Variants in PRKG1 observed in about 807,000 individuals in gnomAD.
PRKG1 encodes protein kinase cGMP-dependent 1.
A neutral mutation model predicts 88.1 loss-of-function variants in PRKG1; 35 were observed. The observed-to-expected ratio is 0.40, with a 90% CI of 0.30 to 0.53. The LOEUF is 0.53. Among genes scored for constraint, PRKG1 ranks in the 20% least tolerant of loss-of-function variants. PRKG1 has a pLI of 0.59. For synonymous variants in PRKG1, 303 were observed against 292.5 expected (o/e 1.04, Z -0.37); for missense variants, 540 against 839.8 (o/e 0.64, Z 4.41).
intron 9 of PRKG1, among the ~76,000 whole-genome samples, chr10:52,251,042 C>T (rs890104433): frequency 1.3e-5 from 2 of 152,058 alleles, no homozygotes; most frequent in African/African-American, 4.8e-5. Flanking sequence ...CTCAGCTTCT[C>T]GGATCTGTTT....
At chr10:51,886,048 T>C (rs1012393439) in intron 4 of PRKG1, among the ~76,000 whole-genome samples, 1 of 152,156 alleles carries the variant, frequency 6.6e-6, no homozygotes, top group Non-Finnish European at 1.5e-5. Context: ...TTTTTAGAAA[T>C]GGAGTCTTAC....
In PRKG1 at chr10:51,194,856, A is replaced by C. The variant is rs184416732; in HGVS notation, c.478+41526A>C. 1.1e-4 allele frequency among the ~76,000 whole-genome samples: 16 copies of C among 152,254 alleles called. No individual in the cohort carries two copies. In the East Asian group the frequency reaches 2.9e-3, roughly 28 times the overall value. The stretch of plus-strand genomic sequence containing the variant: ...AAAGGATGGGAGAGAGAAAGCGGGA[A>C]CCAAAAGTTCTTGTATAAAGACCCC... On this transcript the variant is annotated intron_variant, in intron 2 of 17. Transcript: ENST00000373980.
At chr10:51,479,004 G>A (rs10733836) in intron 3 of PRKG1, among the ~76,000 whole-genome samples, 64,116 of 151,684 alleles carry the variant, frequency 0.42, 15,392 homozygotes, top group East Asian at 0.9. Context: ...GTTTAAATAC[G>A]TCAAGATACC....
chr10:51,004,265 A>C (rs945723478), intron 1 of PRKG1, among the ~76,000 whole-genome samples: 1 of 152,146 alleles, frequency 6.6e-6, no homozygotes, highest in Non-Finnish European at 1.5e-5. Flanking sequence ...GGAGTTCGAG[A>C]CCAGCTTCAC....
At chr10:51,040,228 C>T (rs982147768) in intron 1 of PRKG1, among the ~76,000 whole-genome samples, 1 of 73,988 alleles carries the variant, frequency 1.4e-5, no homozygotes, top group African/African-American at 5.3e-5. Flanking sequence ...TCTTTCCATT[C>T]CATTTGTGTG....
At chr10:51,348,836 T>C (rs1166099576) in intron 2 of PRKG1, among the ~76,000 whole-genome samples, 1 of 152,200 alleles carries the variant, frequency 6.6e-6, no homozygotes, top group Non-Finnish European at 1.5e-5. Context: ...TGTCACAACA[T>C]TTGAGTTTCC....
intron 2 of PRKG1, among the ~76,000 whole-genome samples, chr10:51,221,420 AATG>A (rs1241692006): frequency 3.9e-5 from 6 of 152,110 alleles, no homozygotes; most frequent in Non-Finnish European, 8.8e-5. Context: ...AATTAATTAA[AATG>A]ATAAGTTTCT....
intron 8 of PRKG1, among the ~76,000 whole-genome samples, chr10:52,140,109 A>T (rs1564486771): frequency 6.6e-6 from 1 of 152,158 alleles, no homozygotes; most frequent in Non-Finnish European, 1.5e-5. Flanking sequence ...AACATGTAAA[A>T]ATCATTCTTA....
chr10:52,108,219 C>T (rs865801112), intron 7 of PRKG1, among the ~76,000 whole-genome samples: 1 of 152,222 alleles, frequency 6.6e-6, no homozygotes, highest in African/African-American at 2.4e-5. Context: ...ATCCTTCTCT[C>T]TTTAAATTCT....
intron 2 of PRKG1, among the ~76,000 whole-genome samples, chr10:51,347,629 C>A (rs2132557831): frequency 6.6e-6 from 1 of 152,040 alleles, no homozygotes; most frequent in South Asian, 2.1e-4. Flanking sequence ...ACTTGTTTAC[C>A]CATGTCTCTG....
intron 5 of PRKG1, among the ~76,000 whole-genome samples, chr10:52,018,699 T>A (rs1845104729): frequency 6.6e-6 from 1 of 152,168 alleles, no homozygotes; most frequent in African/African-American, 2.4e-5. Context: ...AGAATAATTG[T>A]ACCGAGCAGA....
intron 1 of PRKG1, among the ~76,000 whole-genome samples, chr10:51,133,864 T>C (rs1442489177): frequency 6.6e-6 from 1 of 152,164 alleles, no homozygotes; most frequent in East Asian, 1.9e-4. Context: ...AAAAGATAAA[T>C]GGGAGAGGTG....
At chr10:51,115,385 A>ATATATATATATATATATATATAT (rs1554837458) in intron 1 of PRKG1, among the ~76,000 whole-genome samples, 49 of 94,500 alleles carry the variant, frequency 5.2e-4, no homozygotes, top group East Asian at 1.0e-3. Flanking sequence ...ATATATATAT[A>ATATATATATATATATATATATAT]AAACAAATGT....
In PRKG1 at chr10:51,916,235, T is replaced by C. The variant is rs571757324; in HGVS notation, c.762+8665T>C. ...CACAAGATGCAGATCATAAAGACCT[T>C]GCTAATAAAACAGGTTTCAGTAAAG... On this transcript the variant is annotated intron_variant, in intron 5 of 17. Transcript: ENST00000373980. 2.0e-5 allele frequency among the ~76,000 whole-genome samples: 3 copies of C among 152,190 alleles called. No individual in the cohort carries two copies. In the South Asian group the frequency reaches 6.2e-4, roughly 32 times the overall value.
At chr10:51,905,520 C>T (rs2132942193) in intron 4 of PRKG1, among the ~76,000 whole-genome samples, 1 of 152,188 alleles carries the variant, frequency 6.6e-6, no homozygotes, top group East Asian at 1.9e-4. Flanking sequence ...AGATATTAAG[C>T]TATGATTAAT....
intron 3 of PRKG1, chr10:51,699,025 T>G: frequency 6.2e-7 from 1 of 1,614,252 alleles, no homozygotes; most frequent in Non-Finnish European, 8.5e-7. Context: ...TCACTACTTG[T>G]GCCTGCAACA....
At chr10:51,415,861 G>T (rs1337432689) in intron 2 of PRKG1, among the ~76,000 whole-genome samples, 1 of 151,914 alleles carries the variant, frequency 6.6e-6, no homozygotes, top group African/African-American at 2.4e-5. Flanking sequence ...TTTGGGTTAG[G>T]GGGAAATTAG....
chr10:52,083,703 A>G (rs960652396), intron 7 of PRKG1, among the ~76,000 whole-genome samples: 13 of 152,090 alleles, frequency 8.5e-5, no homozygotes, highest in African/African-American at 3.1e-4. Context: ...CTATTTTTTC[A>G]GTGGCTGCAC....
At chr10:51,842,491 C>A (rs1840303257) in intron 4 of PRKG1, among the ~76,000 whole-genome samples, 1 of 152,092 alleles carries the variant, frequency 6.6e-6, no homozygotes, top group African/African-American at 2.4e-5. Flanking sequence ...TCCTTCTGAT[C>A]CTTATGTGTG....
Sources: gnomAD v4.1 joint callset for allele counts (sites outside exome capture counted in the v4.1 genomes callset) on GRCh38, gnomAD v4.1.1 for gene constraint, MANE v1.5 for transcripts, NCBI Gene and HGNC (gene_info 2026-07-23, HGNC 2026-07-21) for gene names.